The following CELF2 variants were observed in gnomAD, a reference collection of about 807,000 sequenced individuals.
The protein encoded by CELF2 is CUGBP Elav-like family member 2, also known as CUG triplet repeat RNA-binding protein 2.
In CELF2, 8 loss-of-function variants were observed where a neutral mutation model predicts 62.6. The observed-to-expected ratio is 0.13, with a 90% confidence interval of 0.07 to 0.23. The LOEUF (loss-of-function observed/expected upper bound fraction) is 0.23, where lower values mean the gene tolerates loss of function less well. CELF2 is among the 10% of genes least tolerant of loss of function. CELF2 has a pLI of 1.00. For missense variants in CELF2, 333 were observed against 671.0 expected, an observed-to-expected ratio of 0.50 and a Z score of 5.56; for synonymous variants, 258 against 250.0, an observed-to-expected ratio of 1.03 and a Z score of -0.30.
chr10:10,656,285 A>C, the CELF2 span, among the ~76,000 whole-genome samples: 2 of 150,962 alleles, frequency 1.3e-5, no homozygotes, highest in Non-Finnish European at 3.0e-5. Flanking sequence ...ACTGTAAACT[A>C]GTTCAACCAT....
chr10:10,477,987 C>G, the CELF2 span, among the ~76,000 whole-genome samples: 4 of 152,112 alleles, frequency 2.6e-5, no homozygotes, highest in East Asian at 7.7e-4. Flanking sequence ...ATGAGATTAT[C>G]CCTGAGGTTG....
chr10:11,247,627 A>G lies in CELF2; in HGVS notation c.355-1526A>G, dbSNP rs2076009924. Among the ~76,000 whole-genome samples, 1 of 139,840 alleles carries G rather than the reference A, an allele frequency of 7.2e-6. No homozygotes were observed. The highest frequency in any genetic ancestry group is 2.7e-5 in the African/African-American group (1 of 36,736). The allele number at this position is 139,840 out of a possible 152,430, so 91.7% of individuals were successfully genotyped here. A position where few individuals can be genotyped will look rare whatever the true frequency, so the allele number is the denominator to read the frequency against. ...ATGCCCGCCATCCCACCCCTGCCAC[A>G]CTGAGCACCTGAAGGGAGGACCTTC... On this transcript the variant is annotated intron_variant, in intron 3 of 12. Coordinates refer to ENST00000633077, the MANE Select transcript of CELF2 (RefSeq NM_001326342.2). The surrounding 1 kb of genome is among the most constrained non-coding windows in gnomAD (Gnocchi z 5.4).
intron 9 of CELF2, among the ~76,000 whole-genome samples, chr10:11,303,288 T>C (rs1269595138): frequency 6.6e-6 from 1 of 152,142 alleles, no homozygotes; most frequent in Non-Finnish European, 1.5e-5. Flanking sequence ...TCAACTCAAC[T>C]TTCATGTCTG....
At chr10:10,879,295 C>T (rs1320636002) in intron 1 of CELF2, among the ~76,000 whole-genome samples, 1 of 152,186 alleles carries the variant, frequency 6.6e-6, no homozygotes, top group African/African-American at 2.4e-5. Context: ...AGTGCCCGCT[C>T]CTGGACATTT....
chr10:11,058,461 GTT>G (rs67113152), intron 1 of CELF2, among the ~76,000 whole-genome samples: 33 of 116,802 alleles, frequency 2.8e-4, no homozygotes, highest in African/African-American at 1.1e-3. Context: ...TTTTTTGTTG[GTT>G]TTTTTTTTTT....
At position 11,214,715 on chromosome 10, in the gene CELF2, A is replaced by G. The variant is rs1395977405; in HGVS notation, c.272-2710A>G. ...GGTATCCTCCTGCGTGTCACACTGG[A>G]ACTAGAGCTTCTCTTGGCATGATGT... On this transcript the variant is annotated intron_variant, in intron 2 of 12. Coordinates refer to ENST00000633077, the MANE Select transcript of CELF2 (RefSeq NM_001326342.2). This position sits in a 1 kb window ranked among gnomAD's most constrained non-coding sequence, Gnocchi z 4.2. Among the ~76,000 whole-genome samples the G allele has an allele frequency of 6.6e-6, 1 of 152,184 alleles. No individual in the cohort carries two copies. Among genetic ancestry groups the G allele is most frequent in the Non-Finnish European group, 1.5e-5 (1 of 68,034 alleles).
At chr10:11,292,830 C>T (rs2092694695) in intron 9 of CELF2, among the ~76,000 whole-genome samples, 1 of 152,224 alleles carries the variant, frequency 6.6e-6, no homozygotes. Flanking sequence ...ATCTTTGCAG[C>T]TGGCCCCTGG....
At chr10:11,005,255 G>GGAGAGGGAGAGA (rs2054995963), upstream of CELF2, 17 of 1,177,344 alleles carry the variant, frequency 1.4e-5, no homozygotes, top group Middle Eastern at 2.6e-4. This position sits in a 1 kb window ranked among gnomAD's most constrained non-coding sequence, Gnocchi z 4.3. Flanking sequence ...AGAGAGAGAG[G>GGAGAGGGAGAGA]GAGAGAGAGA....
chr10:11,247,955 C>T lies in CELF2; in HGVS notation c.355-1198C>T, dbSNP rs79281361. Among the ~76,000 whole-genome samples the T allele has an allele frequency of 0.036, 5,552 of 152,178 alleles. 337 individuals are homozygous for T. The highest frequency in any genetic ancestry group is 0.13 in the African/African-American group (5,254 of 41,462). ...AAGACCCAGGCCGGCATTAGGTGCA[C>T]GTGATCCTGACTGCCTGATGATAAT... On this transcript the variant is annotated intron_variant, in intron 3 of 12. Transcript: ENST00000633077. The surrounding 1 kb of genome is among the most constrained non-coding windows in gnomAD (Gnocchi z 5.4).
chr10:10,651,443 A>G, the CELF2 span, among the ~76,000 whole-genome samples: 5 of 137,972 alleles, frequency 3.6e-5, no homozygotes, highest in African/African-American at 1.3e-4. Context: ...AAAAGACAGC[A>G]GTAACCTCTG....
chr10:11,252,857 A>G (rs1415445807), intron 4 of CELF2, among the ~76,000 whole-genome samples: 1 of 152,116 alleles, frequency 6.6e-6, no homozygotes, highest in African/African-American at 2.4e-5. Context: ...CTTCCAACAG[A>G]ATCCGCCTTT....
the CELF2 span, among the ~76,000 whole-genome samples, chr10:10,504,927 T>C: frequency 6.6e-6 from 1 of 152,186 alleles, no homozygotes; most frequent in Non-Finnish European, 1.5e-5. Flanking sequence ...TTCTTTTTTT[T>C]CCATTTGCTT....
the CELF2 span, among the ~76,000 whole-genome samples, chr10:10,531,510 C>T: frequency 6.6e-6 from 1 of 152,168 alleles, no homozygotes; most frequent in Non-Finnish European, 1.5e-5. Flanking sequence ...ACCATATCCT[C>T]CAGTTCCTGA....
chr10:11,107,260 GCA>G (rs2053761024), intron 1 of CELF2, among the ~76,000 whole-genome samples: 1 of 152,104 alleles, frequency 6.6e-6, no homozygotes, highest in Non-Finnish European at 1.5e-5. Context: ...TGGCAAACCA[GCA>G]GCACCTGCCT....
intron 1 of CELF2, among the ~76,000 whole-genome samples, chr10:11,053,378 T>C (rs960394759): frequency 6.6e-6 from 1 of 152,190 alleles, no homozygotes; most frequent in Non-Finnish European, 1.5e-5. Flanking sequence ...TTGCCATTGG[T>C]CCTTTCACCT....
At chr10:11,000,433 T>C (rs2054402577), upstream of CELF2, among the ~76,000 whole-genome samples, 1 of 152,238 alleles carries the variant, frequency 6.6e-6, no homozygotes, top group Admixed American at 6.5e-5. Context: ...TACATACATA[T>C]TGATAAATGT....
Position 11,010,084 on chromosome 10 carries a change from A to C in CELF2, c.53+4644A>C, listed in dbSNP as rs917104359. 1 of 152,186 alleles carries C rather than the reference A, an allele frequency of 6.6e-6. No individual in the cohort carries two copies. The highest frequency in any genetic ancestry group is 1.5e-5 in the Non-Finnish European group (1 of 68,034). 9.4% of individuals were successfully genotyped at this position (152,186 alleles called of 1,614,324 possible). A position where few individuals can be genotyped will look rare whatever the true frequency, so the allele number is the denominator to read the frequency against. On this transcript the variant is annotated intron_variant, in intron 1 of 12. Transcript: ENST00000416382. This position sits in a 1 kb window ranked among gnomAD's most constrained non-coding sequence, Gnocchi z 4.1. ...TCCCACCAGGACAGCAGGCCCTGCG[A>C]TGTTGCTCATGCTTTGCTTTGTGAA...
intron 1 of CELF2, among the ~76,000 whole-genome samples, chr10:11,102,751 C>T (rs2052079735): frequency 6.6e-6 from 1 of 152,122 alleles, no homozygotes; most frequent in Admixed American, 6.5e-5. Context: ...GCTCATTTCC[C>T]CCTTTCTTTC....
At chr10:10,691,281 T>C in the CELF2 span, among the ~76,000 whole-genome samples, 1 of 151,252 alleles carries the variant, frequency 6.6e-6, no homozygotes, top group Non-Finnish European at 1.5e-5. Context: ...CTTGCGATAG[T>C]TTACTGAGAA....
Sources: gnomAD v4.1 joint callset for allele counts (sites outside exome capture counted in the v4.1 genomes callset) on GRCh38, gnomAD v4.1.1 for gene constraint, Gnocchi (gnomAD v3.1) non-coding constraint, MANE v1.5 for transcripts, NCBI Gene and HGNC (gene_info 2026-07-23, HGNC 2026-07-21) for gene names.